The following ITIH5 variants were observed in gnomAD, a reference collection of about 807,000 sequenced individuals.
ITIH5 encodes inter-alpha-trypsin inhibitor heavy chain 5.
Under a neutral mutation model 77.5 loss-of-function variants are expected in ITIH5, and 65 were observed. That is an observed-to-expected ratio of 0.84 (90% CI 0.69 to 1.03). ITIH5 has a LOEUF of 1.03. Among genes scored for constraint, ITIH5 ranks in the 50% least tolerant of loss-of-function variants. The probability of loss-of-function intolerance (pLI) is 0.00; values close to 1 mark genes in which losing one functional copy is unlikely to be tolerated. For missense variants in ITIH5, 1,208 were observed against 1,213.1 expected, an observed-to-expected ratio of 1.00 and a Z score of 0.06; for synonymous variants, 525 against 494.3, an observed-to-expected ratio of 1.06 and a Z score of -0.82.
intron 5 of ITIH5, among the ~76,000 whole-genome samples, chr10:7,625,295 G>T (rs1330176064): frequency 6.6e-6 from 1 of 152,288 alleles, no homozygotes; most frequent in Admixed American, 6.5e-5. Context: ...GGTATGCAAA[G>T]TTGTCCAGTT....
At chr10:7,647,276 C>T (rs1407624772) in intron 2 of ITIH5, among the ~76,000 whole-genome samples, 1 of 152,224 alleles carries the variant, frequency 6.6e-6, no homozygotes, top group African/African-American at 2.4e-5. Context: ...ACAGCCACAT[C>T]CATTCATTTA....
chr10:7,659,447 G>C (rs1834241476), intron 1 of ITIH5, among the ~76,000 whole-genome samples: 1 of 152,058 alleles, frequency 6.6e-6, no homozygotes, highest in Admixed American at 6.6e-5. Flanking sequence ...ATGCACAAGA[G>C]ACTGTGAAAG....
intron 8 of ITIH5, among the ~76,000 whole-genome samples, chr10:7,580,563 C>A (rs7090853): frequency 0.87 from 133,085 of 152,240 alleles, 58,437 homozygotes; most frequent in East Asian, 1. Context: ...CCCACTGTAA[C>A]AAACCTTCTC....
chr10:7,581,858 G>A (rs1434339584), intron 8 of ITIH5, among the ~76,000 whole-genome samples: 7 of 140,314 alleles, frequency 5.0e-5, no homozygotes, highest in Admixed American at 1.5e-4. Flanking sequence ...CACCATGCCC[G>A]GCCACCCATG....
At chr10:7,583,328 C>T (rs75036751) in intron 8 of ITIH5, among the ~76,000 whole-genome samples, 2,328 of 152,210 alleles carry the variant, frequency 0.015, 62 homozygotes, top group African/African-American at 0.053. Context: ...ACTAATTTGC[C>T]TTTCTTTTGT....
At chr10:7,579,612 A>G in intron 9 of ITIH5, 143 bp downstream of exon 9, 2 of 782,320 alleles carry the variant, frequency 2.6e-6, no homozygotes, top group Non-Finnish European at 2.1e-6. Context: ...ACACATGGTG[A>G]CACCTCCCAT....
intron 7 of ITIH5, among the ~76,000 whole-genome samples, chr10:7,600,121 A>G (rs377406440): frequency 3.2e-4 from 48 of 152,336 alleles, no homozygotes; most frequent in African/African-American, 1.1e-3. Flanking sequence ...TAGAAACCTC[A>G]CATCTCTTCC....
chr10:7,637,283 G>A lies in ITIH5; in HGVS notation c.597C>T (p.Ser199=), dbSNP rs1283383938. The stretch of plus-strand genomic sequence containing the variant: ...TGTTGTGAAGCGGCAGCACCTCCAG[G>A]GATGCGATGCCCGCGCTCTCCAGGA... ...VNILESAGIA[S]LEVLPLHNSR... The change falls in exon 5 of 14, where the codon TCC becomes TCT. Residue 199 remains serine (S), a synonymous_variant. Coordinates refer to ENST00000397146, the MANE Select transcript of ITIH5 (RefSeq NM_030569.7). 1.9e-6 allele frequency: 3 copies of A among 1,612,358 alleles called. No homozygotes were observed. The highest frequency in any genetic ancestry group is 2.5e-6 in the Non-Finnish European group (3 of 1,180,018).
In ITIH5 at chr10:7,666,860, C is replaced by T; in HGVS notation, c.33G>A (p.Leu11=). 6.2e-7 allele frequency: 1 copy of T among 1,603,530 alleles called. No homozygotes were observed. The highest frequency in any genetic ancestry group is 2.3e-5 in the East Asian group (1 of 43,910). ...CTTCCTGCGACCCCACACACAGGGACAGCCCCAGGCACAGCCCCAGCAGCA... is the reference window on the plus strand; with the variant it reads ...CTTCCTGCGACCCCACACACAGGGATAGCCCCAGGCACAGCCCCAGCAGCA... The part of the protein sequence containing the change: MLLLLGLCLG[L]SLCVGSQEEA... Residue 11 remains leucine (L), a synonymous_variant, in exon 1 of 14, where the codon CTG becomes CTA. Transcript: ENST00000397146.
chr10:7,629,204 AGCGTGTGTCCC>A, intron 5 of ITIH5, among the ~76,000 whole-genome samples: 1 of 131,792 alleles, frequency 7.6e-6, no homozygotes, highest in Non-Finnish European at 1.7e-5. Flanking sequence ...TCCCTGTTGT[AGCGTGTGTCCC>A]TGTTGTAGCG....
At chr10:7,621,606 A>G (rs1040317079) in intron 5 of ITIH5, 3 of 152,182 alleles carry the variant, frequency 2.0e-5, no homozygotes, top group Non-Finnish European at 2.9e-5. Context: ...ATGTGACCCA[A>G]TAAATTTTTC....
chr10:7,644,550 T>TATATATCACATATATATCATAC (rs1833951595), intron 2 of ITIH5, among the ~76,000 whole-genome samples: 2 of 136,286 alleles, frequency 1.5e-5, no homozygotes, highest in South Asian at 2.2e-4. Context: ...ATATATATGA[T>TATATATCACATATATATCATAC]ATATCACATA....
At chr10:7,577,049 C>A (rs375504031) in intron 9 of ITIH5, 37 bp from the exon 10 acceptor site, 71 of 1,554,494 alleles carry the variant, frequency 4.6e-5, no homozygotes, top group African/African-American at 8.2e-5. Context: ...GAGATCAGGG[C>A]CCTGCTCTGA....
chr10:7,589,677 ACT>A (rs1588379699), intron 7 of ITIH5, among the ~76,000 whole-genome samples: 1 of 150,230 alleles, frequency 6.7e-6, no homozygotes, highest in African/African-American at 2.5e-5. Flanking sequence ...ATCCCCCGAC[ACT>A]CTGCTTGTTC....
At chr10:7,584,157 G>A (rs1036298686) in intron 8 of ITIH5, among the ~76,000 whole-genome samples, 4 of 152,142 alleles carry the variant, frequency 2.6e-5, no homozygotes, top group African/African-American at 7.2e-5. Context: ...GATGCTACAC[G>A]TCTTAGAGAG....
intron 11 of ITIH5, 98 bp downstream of exon 11, chr10:7,573,044 C>T: frequency 5.2e-6 from 6 of 1,164,548 alleles, no homozygotes; most frequent in Non-Finnish European, 7.7e-6. Flanking sequence ...TCCCAAAGTG[C>T]TGGGATTACA....
chr10:7,564,915 GTATATA>G (rs57027352), intron 13 of ITIH5, among the ~76,000 whole-genome samples: 3 of 144,712 alleles, frequency 2.1e-5, no homozygotes, highest in Admixed American at 6.9e-5. Flanking sequence ...GACTGTGTGT[GTATATA>G]TATATATATA....
chr10:7,627,542 T>C (rs1161506451), intron 5 of ITIH5, among the ~76,000 whole-genome samples: 2 of 152,196 alleles, frequency 1.3e-5, no homozygotes, highest in African/African-American at 4.8e-5. Context: ...AGTGGTTCTC[T>C]TCTTTCCAAT....
chr10:7,657,415 G>A (rs894676943), intron 1 of ITIH5, among the ~76,000 whole-genome samples: 7 of 151,692 alleles, frequency 4.6e-5, no homozygotes, highest in Non-Finnish European at 1.0e-4. Flanking sequence ...ATTCCCACCA[G>A]TATGCAATCT....
Sources: allele counts gnomAD v4.1 joint callset (sites outside exome capture counted in the v4.1 genomes callset), GRCh38; gene constraint gnomAD v4.1.1; transcripts MANE v1.5; gene names NCBI Gene and HGNC (gene_info 2026-07-23, HGNC 2026-07-21).